Variants in CDH6 observed in about 807,000 individuals in gnomAD.
CDH6 encodes the protein cadherin-6.
CDH6 carries 31 observed loss-of-function variants against 78.0 expected under a neutral mutation model. The observed-to-expected ratio is 0.40, with a 90% CI of 0.30 to 0.54. The LOEUF (loss-of-function observed/expected upper bound fraction) is 0.54, where lower values mean the gene tolerates loss of function less well. Ranked by LOEUF, CDH6 falls within the 20% of genes least tolerant of loss-of-function variation. The pLI is 0.56. For synonymous variants in CDH6, 376 were observed against 368.8 expected (o/e 1.02, Z -0.23); for missense variants, 724 against 975.9 (o/e 0.74, Z 3.44).
chr5:31,245,571 G>A (rs902744705), intron 1 of CDH6, among the ~76,000 whole-genome samples: 3 of 152,084 alleles, frequency 2.0e-5, no homozygotes, highest in Admixed American at 6.6e-5. Flanking sequence ...GGCTAACAGG[G>A]GACATTACAG....
intron 1 of CDH6, among the ~76,000 whole-genome samples, chr5:31,239,515 A>G (rs72749662): frequency 0.023 from 3,446 of 152,328 alleles, 51 homozygotes; most frequent in South Asian, 0.038. Flanking sequence ...GAAAACACTG[A>G]TATGAAATGT....
At chr5:31,258,575 G>A (rs1430162278) in intron 1 of CDH6, among the ~76,000 whole-genome samples, 3 of 151,918 alleles carry the variant, frequency 2.0e-5, no homozygotes, top group Non-Finnish European at 4.4e-5. Flanking sequence ...ACCATGGCAT[G>A]TGTATATCTA....
At chr5:31,225,082 A>C (rs1434456349) in intron 1 of CDH6, among the ~76,000 whole-genome samples, 2 of 152,220 alleles carry the variant, frequency 1.3e-5, no homozygotes, top group Non-Finnish European at 2.9e-5. Flanking sequence ...CCTGCAATGC[A>C]CAGGACAGTC....
intron 1 of CDH6, among the ~76,000 whole-genome samples, chr5:31,230,092 C>A (rs972690047): frequency 6.6e-6 from 1 of 152,182 alleles, no homozygotes; most frequent in African/African-American, 2.4e-5. Context: ...CAGAATATCC[C>A]AGTTGAAGAG....
intron 2 of CDH6, among the ~76,000 whole-genome samples, chr5:31,292,838 T>TGC (rs1737435886): frequency 7.0e-5 from 1 of 14,232 alleles, no homozygotes; most frequent in Admixed American, 5.7e-4. Context: ...TATATATATA[T>TGC]ATATATATGT....
rs1359955000 is a variant in CDH6 at position 31,317,689 on chromosome 5, C to T, written c.1647C>T (p.Ile549=). ...CGGTTCCAGACAACACGGCGGGAAT[C>T]TTAACTCGGAAAAATGGCTATAATA... The part of the protein sequence containing the change: ...IQDNKDNTAG[I]LTRKNGYNRH... The change falls in exon 11 of 12, where the codon ATC becomes ATT. Residue 549 remains isoleucine, a synonymous_variant. Transcript: ENST00000265071. 2 of 1,609,352 alleles carry T rather than the reference C, an allele frequency of 1.2e-6. No individual in the cohort carries two copies. Among genetic ancestry groups the T allele is most frequent in the Admixed American group, 3.3e-5 (2 of 59,916 alleles).
chr5:31,318,045 T>C (rs1482566851), intron 11 of CDH6, 121 bp downstream of exon 11: 1 of 1,180,082 alleles, frequency 8.5e-7, no homozygotes, highest in East Asian at 2.3e-5. Context: ...GTGAGTCGAG[T>C]TACATACTGA....
chr5:31,296,477 T>G (rs1470591521), intron 3 of CDH6, among the ~76,000 whole-genome samples: 1 of 152,194 alleles, frequency 6.6e-6, no homozygotes, highest in Non-Finnish European at 1.5e-5. Flanking sequence ...TTTGTATATT[T>G]AAGTATAATG....
Position 31,228,306 on chromosome 5 carries a change from G to A in CDH6, c.-129+34420G>A, listed in dbSNP as rs141818711. ...TCTGCGGTCTCTTTTGCCATGTGAG[G>A]TATTAATAACATAGTTCTGTGGATT... On this transcript the variant is annotated intron_variant, in intron 1 of 11. Coordinates refer to ENST00000265071, the MANE Select transcript of CDH6 (RefSeq NM_004932.4). Among the ~76,000 whole-genome samples, 572 of 152,252 alleles carry A rather than the reference G, an allele frequency of 3.8e-3. 1 individual carries two copies. The highest frequency in any genetic ancestry group is 4.6e-3 in the Non-Finnish European group (314 of 68,014).
intron 1 of CDH6, among the ~76,000 whole-genome samples, chr5:31,262,701 A>T (rs555388081): frequency 5.3e-5 from 8 of 152,142 alleles, no homozygotes; most frequent in Non-Finnish European, 1.0e-4. Context: ...TCTAGTCTTC[A>T]GGTATTTTGT....
chr5:31,313,203 T>A (rs1738203251), intron 7 of CDH6, 115 bp from the exon 8 acceptor site: 3 of 911,168 alleles, frequency 3.3e-6, no homozygotes, highest in Non-Finnish European at 3.3e-6. Context: ...TGGAAAAAAA[T>A]TTATGCCACA....
chr5:31,325,734 G>A lies in CDH6; in HGVS notation c.*2426G>A. 1 of 230,578 alleles carries A rather than the reference G, an allele frequency of 4.3e-6. No homozygotes were observed. Among genetic ancestry groups the A allele is most frequent in the Non-Finnish European group, 8.6e-6 (1 of 116,424 alleles). 14.3% of individuals were successfully genotyped at this position (230,578 alleles called of 1,614,324 possible). Reference sequence around the variant, plus strand: ...TTTATCCCTCCCTGCAGATGACACAGCATACCAAGAACAGGTTAATATGAT... The same window carrying A: ...TTTATCCCTCCCTGCAGATGACACAACATACCAAGAACAGGTTAATATGAT... On this transcript the variant is annotated 3_prime_UTR_variant, in exon 12 of 12. Coordinates refer to ENST00000265071, the MANE Select transcript of CDH6 (RefSeq NM_004932.4).
At chr5:31,270,964 A>G (rs959374379) in intron 2 of CDH6, among the ~76,000 whole-genome samples, 19 of 152,254 alleles carry the variant, frequency 1.2e-4, no homozygotes, top group Admixed American at 2.6e-4. Flanking sequence ...TTGACATATA[A>G]AGGTGTACCA....
chr5:31,276,586 G>C (rs1742700867), intron 2 of CDH6, among the ~76,000 whole-genome samples: 1 of 152,192 alleles, frequency 6.6e-6, no homozygotes. Context: ...ATGGAGATTG[G>C]AGTTAAGAAG....
intron 1 of CDH6, among the ~76,000 whole-genome samples, chr5:31,246,257 C>T (rs1162253058): frequency 6.6e-6 from 1 of 152,060 alleles, no homozygotes. Context: ...ACAAGAGCAA[C>T]ATAGAGTGGC....
chr5:31,222,055 A>G lies in CDH6; in HGVS notation c.-129+28169A>G, dbSNP rs139899310. Among the ~76,000 whole-genome samples, 34 of 152,344 alleles carry G rather than the reference A, an allele frequency of 2.2e-4. 1 individual carries two copies. In the East Asian group the frequency reaches 4.6e-3, roughly 21 times the overall value. On this transcript the variant is annotated intron_variant, in intron 1 of 11. Transcript: ENST00000265071. Reference sequence around the variant, plus strand: ...ACCCACTAACATTTTCAATGCAACTATAAAATACCTTTTTCTATTGTAGTT... The same window carrying G: ...ACCCACTAACATTTTCAATGCAACTGTAAAATACCTTTTTCTATTGTAGTT...
At chr5:31,227,939 T>C (rs4131028) in intron 1 of CDH6, among the ~76,000 whole-genome samples, 5,793 of 152,206 alleles carry the variant, frequency 0.038, 249 homozygotes, top group East Asian at 0.13. Context: ...AAACTTATTC[T>C]CGTACAGATT....
At chr5:31,262,433 T>C (rs886467291) in intron 1 of CDH6, among the ~76,000 whole-genome samples, 2 of 152,176 alleles carry the variant, frequency 1.3e-5, no homozygotes, top group African/African-American at 4.8e-5. Context: ...AACGATTCCC[T>C]GTAGAAAATA....
intron 1 of CDH6, among the ~76,000 whole-genome samples, chr5:31,198,227 G>C (rs982046211): frequency 3.4e-4 from 52 of 152,142 alleles, no homozygotes; most frequent in African/African-American, 1.2e-3. Flanking sequence ...ATGTGGAGTA[G>C]ACTCATATGC....
Sources: allele counts gnomAD v4.1 joint callset (sites outside exome capture counted in the v4.1 genomes callset), GRCh38; gene constraint gnomAD v4.1.1; transcripts MANE v1.5; gene names NCBI Gene and HGNC (gene_info 2026-07-23, HGNC 2026-07-21).